The following LDLRAD3 variants were observed in gnomAD, a reference collection of about 807,000 sequenced individuals.
LDLRAD3 encodes low density lipoprotein receptor class A domain containing 3.
LDLRAD3 carries 20 observed loss-of-function variants against 29.4 expected under a neutral mutation model. The ratio of observed to expected loss-of-function variants is 0.68; its 90% CI spans 0.48 to 0.99. The LOEUF (loss-of-function observed/expected upper bound fraction) is 0.99. Among genes scored for constraint, LDLRAD3 ranks in the 50% least tolerant of loss-of-function variants. The pLI is 0.00. For synonymous variants in LDLRAD3, 157 were observed against 192.7 expected (o/e 0.81, Z 1.53); for missense variants, 420 against 454.3 (o/e 0.92, Z 0.69).
At chr11:36,225,833 G>A (rs1855490978) in intron 4 of LDLRAD3, among the ~76,000 whole-genome samples, 1 of 152,216 alleles carries the variant, frequency 6.6e-6, no homozygotes, top group East Asian at 1.9e-4. Context: ...CACTTTGGGA[G>A]GCCGAGGCAG....
intron 3 of LDLRAD3, among the ~76,000 whole-genome samples, chr11:36,091,188 A>G (rs1565215645): frequency 1.3e-5 from 2 of 152,164 alleles, no homozygotes; most frequent in Non-Finnish European, 2.9e-5. Context: ...AGTGGTGACC[A>G]CCTCAGGATG....
At chr11:36,181,241 A>T (rs1267381943) in intron 4 of LDLRAD3, among the ~76,000 whole-genome samples, 21 of 152,110 alleles carry the variant, frequency 1.4e-4, no homozygotes, top group Admixed American at 1.4e-3. Flanking sequence ...AAAAAAAAAA[A>T]AAAAAATCTA....
chr11:35,968,259 A>G, intron 1 of LDLRAD3: 1 of 396,762 alleles, frequency 2.5e-6, no homozygotes, highest in Non-Finnish European at 4.9e-6. Flanking sequence ...GACCAGAGCC[A>G]GTGAGGTCAT....
chr11:36,219,496 T>C lies in LDLRAD3; in HGVS notation c.455-7589T>C, dbSNP rs575394016. On this transcript the variant is annotated intron_variant, in intron 4 of 5. Coordinates refer to ENST00000315571, the MANE Select transcript of LDLRAD3 (RefSeq NM_174902.4). ...CAAAATAGATAGTCTAAGAATAGAC[T>C]CAGACTTGTATGGTCAATTGATTTT... Among the ~76,000 whole-genome samples, 3 of 152,322 alleles carry C rather than the reference T, an allele frequency of 2.0e-5. No individual in the cohort carries two copies. The South Asian group carries it at 6.2e-4, about 32-fold the overall frequency.
At chr11:36,139,189 A>G (rs1298929307) in intron 4 of LDLRAD3, among the ~76,000 whole-genome samples, 1 of 152,204 alleles carries the variant, frequency 6.6e-6, no homozygotes, top group African/African-American at 2.4e-5. Context: ...AGGTCTATCC[A>G]TTAGATACTA....
chr11:36,114,629 T>C (rs80243322), intron 4 of LDLRAD3, among the ~76,000 whole-genome samples: 3,093 of 152,328 alleles, frequency 0.02, 110 homozygotes, highest in African/African-American at 0.07. Flanking sequence ...TGCCTTGTCC[T>C]CATTAGCTAA....
intron 4 of LDLRAD3, among the ~76,000 whole-genome samples, chr11:36,193,631 C>G (rs1854988923): frequency 6.6e-6 from 1 of 152,190 alleles, no homozygotes; most frequent in Non-Finnish European, 1.5e-5. Context: ...TCCCAGCTCT[C>G]CTGTTAAGAG....
At chr11:36,000,750 C>T (rs966800643) in intron 1 of LDLRAD3, among the ~76,000 whole-genome samples, 10 of 151,908 alleles carry the variant, frequency 6.6e-5, no homozygotes, top group Admixed American at 3.3e-4. Flanking sequence ...AGCTGGGGCG[C>T]GTGACATGGA....
At chr11:36,217,419 G>A (rs1855367589) in intron 4 of LDLRAD3, among the ~76,000 whole-genome samples, 1 of 152,026 alleles carries the variant, frequency 6.6e-6, no homozygotes, top group Non-Finnish European at 1.5e-5. Flanking sequence ...TAAGAGTACA[G>A]ATGCTGGAAC....
chr11:36,177,491 C>A (rs533917038), intron 4 of LDLRAD3, among the ~76,000 whole-genome samples: 1 of 152,278 alleles, frequency 6.6e-6, no homozygotes, highest in African/African-American at 2.4e-5. Flanking sequence ...TGTTCAGATT[C>A]TTTTGTCCCA....
At chr11:36,092,900 T>C (rs1227041237) in intron 3 of LDLRAD3, among the ~76,000 whole-genome samples, 2 of 152,242 alleles carry the variant, frequency 1.3e-5, no homozygotes, top group Non-Finnish European at 2.9e-5. Context: ...GGCTTGCTGC[T>C]ACGTTTGGGC....
At chr11:36,173,649 A>G (rs1158839104) in intron 4 of LDLRAD3, among the ~76,000 whole-genome samples, 1 of 152,016 alleles carries the variant, frequency 6.6e-6, no homozygotes, top group African/African-American at 2.4e-5. Context: ...ATAAACATAC[A>G]TTTGCATGTG....
chr11:35,958,552 A>G (rs373748830), intron 1 of LDLRAD3, among the ~76,000 whole-genome samples: 3 of 152,154 alleles, frequency 2.0e-5, no homozygotes, highest in African/African-American at 7.2e-5. Context: ...GTGTAGGTCA[A>G]TTCTTGAGGG....
chr11:36,043,085 G>A (rs76679499), intron 2 of LDLRAD3, among the ~76,000 whole-genome samples: 3,313 of 152,300 alleles, frequency 0.022, 76 homozygotes, highest in East Asian at 0.11. Flanking sequence ...GCCAAGGTGG[G>A]CAGATCGTTT....
chr11:36,065,841 T>A (rs1460597243), intron 2 of LDLRAD3, among the ~76,000 whole-genome samples: 1 of 152,176 alleles, frequency 6.6e-6, no homozygotes, highest in East Asian at 1.9e-4. Context: ...CTGCTGTTTA[T>A]GTGGATCATG....
At chr11:35,993,137 C>G in intron 1 of LDLRAD3, among the ~76,000 whole-genome samples, 1 of 152,176 alleles carries the variant, frequency 6.6e-6, no homozygotes, top group East Asian at 1.9e-4. Flanking sequence ...TGAGTTGAGA[C>G]TTCAGACTGG....
intron 3 of LDLRAD3, among the ~76,000 whole-genome samples, chr11:36,094,345 A>C (rs1056704204): frequency 6.6e-6 from 1 of 152,204 alleles, no homozygotes; most frequent in South Asian, 2.1e-4. Flanking sequence ...CCTTTCATTT[A>C]CAAATTGTCT....
chr11:36,117,002 C>T (rs946241545), intron 4 of LDLRAD3, among the ~76,000 whole-genome samples: 12 of 151,910 alleles, frequency 7.9e-5, no homozygotes, highest in South Asian at 2.1e-4. Context: ...CTGCCATGCC[C>T]GGCTAATTTT....
At chr11:36,111,725 G>C (rs193251091) in intron 4 of LDLRAD3, among the ~76,000 whole-genome samples, 1 of 151,812 alleles carries the variant, frequency 6.6e-6, no homozygotes, top group South Asian at 2.1e-4. Context: ...TCACTCTCCC[G>C]AGTAGCGGGG....
Sources: allele counts gnomAD v4.1 joint callset (sites outside exome capture counted in the v4.1 genomes callset), GRCh38; gene constraint gnomAD v4.1.1; transcripts MANE v1.5; gene names NCBI Gene and HGNC (gene_info 2026-07-23, HGNC 2026-07-21).